Variants in FOXP1 observed in about 807,000 individuals in gnomAD.
FOXP1 encodes forkhead box P1.
In FOXP1, 15 loss-of-function variants were observed where a neutral mutation model predicts 98.2. The observed-to-expected ratio is 0.15, with a 90% CI of 0.10 to 0.24. FOXP1 has a LOEUF of 0.24. FOXP1 is among the 10% of genes least tolerant of loss of function. The pLI is 1.00. For missense variants in FOXP1, 633 were observed against 848.5 expected, an observed-to-expected ratio of 0.75 and a Z score of 3.15; for synonymous variants, 371 against 314.5, an observed-to-expected ratio of 1.18 and a Z score of -1.90.
intron 6 of FOXP1, chr3:71,197,844 G>C: frequency 3.8e-6 from 6 of 1,598,904 alleles, no homozygotes; most frequent in Non-Finnish European, 5.1e-6. Flanking sequence ...CCTGTTTTTC[G>C]TTTAATTTTT....
chr3:71,106,524 C>G, intron 7 of FOXP1, among the ~76,000 whole-genome samples: 1 of 152,062 alleles, frequency 6.6e-6, no homozygotes. Context: ...TGGGGTTTCA[C>G]CTTGTTGGCC....
At chr3:71,034,483 AC>A (rs2047319310) in intron 11 of FOXP1, among the ~76,000 whole-genome samples, 1 of 152,172 alleles carries the variant, frequency 6.6e-6, no homozygotes, top group African/African-American at 2.4e-5. Context: ...CACCCTCTGT[AC>A]AAAGGGGAGA....
chr3:71,510,198 G>C (rs1046021960), intron 2 of FOXP1, among the ~76,000 whole-genome samples: 1 of 149,520 alleles, frequency 6.7e-6, no homozygotes, highest in African/African-American at 2.5e-5. Context: ...AAATAAATAA[G>C]AAGAGTCAGG....
chr3:71,123,369 C>G (rs1274275900), intron 6 of FOXP1, among the ~76,000 whole-genome samples: 2 of 152,216 alleles, frequency 1.3e-5, no homozygotes, highest in Admixed American at 6.5e-5. Flanking sequence ...TTTCACCTCT[C>G]TGGTTAACTG....
chr3:71,173,628 G>A (rs776654524), intron 6 of FOXP1, among the ~76,000 whole-genome samples: 6 of 152,166 alleles, frequency 3.9e-5, no homozygotes, highest in African/African-American at 7.2e-5. Flanking sequence ...GGGGGTGTGG[G>A]TGACAATAGG....
chr3:71,476,319 G>GT (rs1057236879), intron 3 of FOXP1, among the ~76,000 whole-genome samples: 1 of 128,982 alleles, frequency 7.8e-6, no homozygotes, highest in African/African-American at 2.9e-5. Flanking sequence ...TTTTTGTTTT[G>GT]TTTTTGAGCA....
At chr3:71,357,162 G>C (rs1407359989) in intron 4 of FOXP1, among the ~76,000 whole-genome samples, 2 of 152,222 alleles carry the variant, frequency 1.3e-5, no homozygotes, top group African/African-American at 2.4e-5. Context: ...AATTGGGTGT[G>C]AGTGCGTGCC....
intron 5 of FOXP1, among the ~76,000 whole-genome samples, chr3:71,252,734 C>T (rs2068302393): frequency 6.6e-6 from 1 of 152,202 alleles, no homozygotes; most frequent in South Asian, 2.1e-4. Context: ...ACAAAATGTC[C>T]TAGGCCAACA....
At chr3:71,242,991 T>C (rs369307440) in intron 5 of FOXP1, among the ~76,000 whole-genome samples, 1 of 152,178 alleles carries the variant, frequency 6.6e-6, no homozygotes, top group Non-Finnish European at 1.5e-5. Flanking sequence ...AACCTCATTA[T>C]GTGCAGGGAG....
At chr3:71,011,138 G>A (rs548220715) in intron 12 of FOXP1, among the ~76,000 whole-genome samples, 8 of 152,270 alleles carry the variant, frequency 5.3e-5, no homozygotes, top group South Asian at 2.1e-4. Flanking sequence ...CAGTCAATGC[G>A]TAACTCAGGA....
intron 4 of FOXP1, among the ~76,000 whole-genome samples, chr3:71,308,797 GTGT>G (rs2074479333): frequency 6.8e-6 from 1 of 147,450 alleles, no homozygotes; most frequent in Non-Finnish European, 1.5e-5. Context: ...GTGTGTGTGT[GTGT>G]GTGTGTGGGT....
At chr3:71,234,414 T>G (rs775498421) in intron 5 of FOXP1, among the ~76,000 whole-genome samples, 1 of 152,248 alleles carries the variant, frequency 6.6e-6, no homozygotes, top group Non-Finnish European at 1.5e-5. Context: ...ACATGTCCTC[T>G]GCCTTCACCC....
chr3:71,124,772 C>G (rs2059040020), intron 6 of FOXP1, among the ~76,000 whole-genome samples: 1 of 152,026 alleles, frequency 6.6e-6, no homozygotes, highest in African/African-American at 2.4e-5. Flanking sequence ...TAAATGGAAA[C>G]TAAAACTATT....
At chr3:71,102,036 G>A (rs1298365540) in intron 7 of FOXP1, among the ~76,000 whole-genome samples, 4 of 152,142 alleles carry the variant, frequency 2.6e-5, no homozygotes, top group Admixed American at 6.5e-5. Context: ...AGACCCTTTA[G>A]AAATGACTAG....
chr3:71,154,158 G>A (rs2060711243), intron 6 of FOXP1, among the ~76,000 whole-genome samples: 1 of 150,718 alleles, frequency 6.6e-6, no homozygotes, highest in Non-Finnish European at 1.5e-5. Flanking sequence ...GTGATATTTT[G>A]AGAAAAATTA....
intron 5 of FOXP1, among the ~76,000 whole-genome samples, chr3:71,297,033 T>C (rs2073368692): frequency 6.6e-6 from 1 of 152,172 alleles, no homozygotes; most frequent in Non-Finnish European, 1.5e-5. Flanking sequence ...CTTTTCTTTA[T>C]AAATTACCCA....
chr3:71,012,881 T>TTATACATGTGCCTATGTTATAGG (rs2043859399), intron 12 of FOXP1, among the ~76,000 whole-genome samples: 1 of 152,184 alleles, frequency 6.6e-6, no homozygotes, highest in Non-Finnish European at 1.5e-5. Flanking sequence ...TATGTTATAG[T>TTATACATGTGCCTATGTTATAGG]TATACATGTG....
chr3:71,153,442 C>T (rs1376833257), intron 6 of FOXP1, among the ~76,000 whole-genome samples: 3 of 151,512 alleles, frequency 2.0e-5, no homozygotes, highest in Non-Finnish European at 4.4e-5. Flanking sequence ...AAGCACATTT[C>T]AACTTTCTAA....
chr3:71,456,428 T>A (rs2087509840), intron 3 of FOXP1, among the ~76,000 whole-genome samples: 1 of 152,278 alleles, frequency 6.6e-6, no homozygotes, highest in South Asian at 2.1e-4. Context: ...TGAGACCTGA[T>A]TCACAATGTA....
Sources: allele counts gnomAD v4.1 joint callset (sites outside exome capture counted in the v4.1 genomes callset), GRCh38; gene constraint gnomAD v4.1.1; transcripts MANE v1.5; gene names NCBI Gene and HGNC (gene_info 2026-07-23, HGNC 2026-07-21).